The following FGF14 variants were observed in gnomAD, a reference collection of about 807,000 sequenced individuals.
FGF14 encodes fibroblast growth factor homologous factor 4.
Under a neutral mutation model 25.5 loss-of-function variants are expected in FGF14, and 5 were observed. The ratio of observed to expected loss-of-function variants is 0.20; its 90% CI spans 0.10 to 0.41. The LOEUF is 0.41. Ranked by LOEUF, FGF14 falls within the 10% of genes least tolerant of loss-of-function variation. FGF14 has a pLI of 1.00. For missense variants in FGF14, 222 were observed against 320.1 expected (o/e 0.69, Z 2.34); for synonymous variants, 138 against 118.3 (o/e 1.17, Z -1.08).
intron 1 of FGF14, among the ~76,000 whole-genome samples, chr13:102,271,850 A>C (rs7337270): frequency 0.62 from 94,313 of 151,922 alleles, 29,878 homozygotes; most frequent in African/African-American, 0.75. Flanking sequence ...ACCTCTGTAG[A>C]CCAGGTCACC....
At chr13:102,114,016 C>G (rs2045350920) in intron 1 of FGF14, among the ~76,000 whole-genome samples, 1 of 152,158 alleles carries the variant, frequency 6.6e-6, no homozygotes, top group South Asian at 2.1e-4. Context: ...AAGATCCAAT[C>G]CTTCAACCAT....
At chr13:102,127,082 G>A (rs1327435411) in intron 1 of FGF14, among the ~76,000 whole-genome samples, 2 of 151,824 alleles carry the variant, frequency 1.3e-5, no homozygotes, top group Non-Finnish European at 2.9e-5. Context: ...CATTGCACCA[G>A]GATGCCTGCC....
At chr13:102,302,963 C>A (rs948340302) in intron 1 of FGF14, among the ~76,000 whole-genome samples, 1 of 152,154 alleles carries the variant, frequency 6.6e-6, no homozygotes, top group Non-Finnish European at 1.5e-5. Context: ...GTTTTCCTGT[C>A]CCCTAGGAGT....
At chr13:101,900,431 G>A (rs141448218) in intron 1 of FGF14, among the ~76,000 whole-genome samples, 332 of 151,994 alleles carry the variant, frequency 2.2e-3, no homozygotes, top group African/African-American at 7.7e-3. Context: ...ACACCCAAAC[G>A]AAACTGCATG....
At chr13:102,260,215 G>C (rs1184504997) in intron 1 of FGF14, among the ~76,000 whole-genome samples, 1 of 152,174 alleles carries the variant, frequency 6.6e-6, no homozygotes, top group African/African-American at 2.4e-5. Flanking sequence ...GTTATCTTTT[G>C]AATGGGTTAA....
intron 1 of FGF14, among the ~76,000 whole-genome samples, chr13:102,229,358 C>T (rs2050973941): frequency 6.6e-6 from 1 of 152,208 alleles, no homozygotes; most frequent in African/African-American, 2.4e-5. Flanking sequence ...ACTTCATCCC[C>T]ACAACAAGCT....
At chr13:102,200,531 A>G (rs1241398892) in intron 1 of FGF14, among the ~76,000 whole-genome samples, 2 of 152,102 alleles carry the variant, frequency 1.3e-5, no homozygotes, top group Non-Finnish European at 2.9e-5. Flanking sequence ...CATGATTCCC[A>G]TATTATATGT....
chr13:102,085,917 G>C (rs1332177153), intron 1 of FGF14, among the ~76,000 whole-genome samples: 1 of 151,884 alleles, frequency 6.6e-6, no homozygotes, highest in South Asian at 2.1e-4. Flanking sequence ...CAGGAAGTTT[G>C]TTTAAGTTGC....
intron 3 of FGF14, among the ~76,000 whole-genome samples, chr13:101,812,267 G>C (rs913995962): frequency 3.3e-5 from 5 of 152,176 alleles, no homozygotes; most frequent in Admixed American, 1.3e-4. Context: ...AGACTTTAGA[G>C]AATTTTTGGT....
chr13:102,082,541 A>G (rs1169121437), intron 1 of FGF14, among the ~76,000 whole-genome samples: 3 of 152,246 alleles, frequency 2.0e-5, no homozygotes, highest in Admixed American at 2.0e-4. Context: ...TGTAAAATGC[A>G]AAACTGAAAG....
chr13:101,963,368 T>C (rs1026291199), intron 1 of FGF14, among the ~76,000 whole-genome samples: 1 of 152,206 alleles, frequency 6.6e-6, no homozygotes, highest in Admixed American at 6.5e-5. Context: ...CTAGATATAC[T>C]GAGTTGCTCC....
At chr13:102,178,715 T>G (rs1329132624) in intron 1 of FGF14, among the ~76,000 whole-genome samples, 1 of 152,182 alleles carries the variant, frequency 6.6e-6, no homozygotes, top group Non-Finnish European at 1.5e-5. Context: ...GCAAAAGCCA[T>G]GATTTCATTC....
chr13:101,885,408 CT>C (rs2045938221), intron 1 of FGF14, among the ~76,000 whole-genome samples: 1 of 152,200 alleles, frequency 6.6e-6, no homozygotes, highest in East Asian at 1.9e-4. Flanking sequence ...CCTCTTTCCA[CT>C]TTCCCCCGAC....
At chr13:102,096,405 C>T (rs7320884) in intron 1 of FGF14, among the ~76,000 whole-genome samples, 58,684 of 151,576 alleles carry the variant, frequency 0.39, 13,460 homozygotes, top group Non-Finnish European at 0.51. Flanking sequence ...TTGTCCTGGT[C>T]TTTATTAATA....
intron 3 of FGF14, among the ~76,000 whole-genome samples, chr13:101,847,549 T>A (rs2043530231): frequency 6.6e-6 from 1 of 152,124 alleles, no homozygotes; most frequent in Admixed American, 6.6e-5. Flanking sequence ...TGATTAAGCA[T>A]GTCTGTATAG....
intron 1 of FGF14, among the ~76,000 whole-genome samples, chr13:101,973,256 T>C (rs1397979911): frequency 1.3e-5 from 2 of 151,834 alleles, no homozygotes; most frequent in South Asian, 2.1e-4. Context: ...CCTCCAGAGG[T>C]CGTAGTCATG....
intron 1 of FGF14, among the ~76,000 whole-genome samples, chr13:102,377,381 G>C (rs2058065123): frequency 6.6e-6 from 1 of 152,088 alleles, no homozygotes; most frequent in Non-Finnish European, 1.5e-5. Context: ...AATAATTAGG[G>C]AAGAGAATAG....
chr13:101,943,199 T>C (rs1441667189), intron 1 of FGF14, among the ~76,000 whole-genome samples: 1 of 152,176 alleles, frequency 6.6e-6, no homozygotes, highest in African/African-American at 2.4e-5. Context: ...CCTATACTCT[T>C]GAAACTACTA....
chr13:101,866,005 A>G (rs557856929), intron 3 of FGF14, among the ~76,000 whole-genome samples: 153 of 152,194 alleles, frequency 1.0e-3, no homozygotes, highest in African/African-American at 3.5e-3. Context: ...TCTTAGTTCA[A>G]AACTTCTTAG....
Sources: gnomAD v4.1 joint callset for allele counts (sites outside exome capture counted in the v4.1 genomes callset) on GRCh38, gnomAD v4.1.1 for gene constraint, MANE v1.5 for transcripts, NCBI Gene and HGNC (gene_info 2026-07-23, HGNC 2026-07-21) for gene names.